CHRNA7: variants seen among roughly 807,000 people sequenced by gnomAD.
CHRNA7 encodes cholinergic receptor nicotinic alpha 7 subunit.
Under a neutral mutation model 48.0 loss-of-function variants are expected in CHRNA7, and 17 were observed. That is an observed-to-expected ratio of 0.35 (90% CI 0.24 to 0.53). The LOEUF is 0.53. Ranked by LOEUF, CHRNA7 falls within the 20% of genes least tolerant of loss-of-function variation. The pLI is 0.92. For missense variants in CHRNA7, 155 were observed against 577.7 expected, an observed-to-expected ratio of 0.27 and a Z score of 7.50; for synonymous variants, 75 against 242.3, an observed-to-expected ratio of 0.31 and a Z score of 6.41.
At chr15:32,070,669 C>CTTTTTTTGTTTTTTTTTTT (rs2050041228) in intron 2 of CHRNA7, among the ~76,000 whole-genome samples, 1 of 40,850 alleles carries the variant, frequency 2.4e-5, no homozygotes, top group African/African-American at 9.3e-5. Context: ...GGTTTAGTTC[C>CTTTTTTTGTTTTTTTTTTT]TTTTTTTTTT....
At position 32,122,096 on chromosome 15, in the gene CHRNA7, G is replaced by A. The variant is rs554133753; in HGVS notation, c.350+10197G>A. 1.7e-4 allele frequency among the ~76,000 whole-genome samples: 26 copies of A among 152,238 alleles called. No homozygotes were observed. In the South Asian group the frequency reaches 3.5e-3, roughly 21 times the overall value. On this transcript the variant is annotated intron_variant, in intron 4 of 9. Transcript: ENST00000306901. ...CCCCACTGTCCAGTGAGCTCCTTGG[G>A]AGCAACCAAGTTCTATTCACATTTT...
In CHRNA7 at chr15:32,149,769, AATAGCAACAGTT is replaced by A. The variant is rs2051582539; in HGVS notation, c.351-4137_351-4126del. 2.0e-5 allele frequency among the ~76,000 whole-genome samples: 3 copies of A among 152,138 alleles called. No individual in the cohort carries two copies. The highest frequency in any genetic ancestry group is 2.9e-5 in the Non-Finnish European group (2 of 68,022). ...ACTGAGTCACAGGTAAGCTGTTGCT[AATAGCAACAGTT>A]TTTTTATCTTGTTTTTACCTGTTTG... On this transcript the variant is annotated intron_variant, in intron 4 of 9. Transcript: ENST00000306901. This position sits in a 1 kb window ranked among gnomAD's most constrained non-coding sequence, Gnocchi z 4.6.
chr15:32,144,359 A>G (rs913854366), intron 4 of CHRNA7, among the ~76,000 whole-genome samples: 4 of 151,822 alleles, frequency 2.6e-5, no homozygotes, highest in Admixed American at 6.6e-5. Flanking sequence ...TTTTCCCTTC[A>G]TTTCAACCTT....
intron 4 of CHRNA7, among the ~76,000 whole-genome samples, chr15:32,114,246 G>T (rs1039971348): frequency 6.6e-6 from 1 of 151,550 alleles, no homozygotes; most frequent in Non-Finnish European, 1.5e-5. Context: ...CTATGTGTAG[G>T]ATCTTTAACT....
chr15:32,107,908 A>G (rs1056646342), intron 3 of CHRNA7, among the ~76,000 whole-genome samples: 3 of 152,174 alleles, frequency 2.0e-5, no homozygotes, highest in African/African-American at 4.8e-5. Context: ...GGCCTCAGGC[A>G]TGGTCAGAAG....
intron 2 of CHRNA7, among the ~76,000 whole-genome samples, chr15:32,075,470 TC>T (rs2050123033): frequency 6.6e-6 from 1 of 152,186 alleles, no homozygotes; most frequent in African/African-American, 2.4e-5. Context: ...GTCTAAATCG[TC>T]CAATTTATGA....
intron 2 of CHRNA7, among the ~76,000 whole-genome samples, chr15:32,044,646 T>TTC: frequency 6.6e-6 from 1 of 152,358 alleles, no homozygotes; most frequent in South Asian, 2.1e-4. Context: ...TGATTACATG[T>TTC]TCACCACAGC....
intron 2 of CHRNA7, among the ~76,000 whole-genome samples, chr15:32,065,405 A>G (rs370146222): frequency 6.6e-6 from 1 of 152,234 alleles, no homozygotes. Context: ...ACTTGACCAA[A>G]TGCAGAGCTT....
chr15:32,107,990 A>G (rs2050698819), intron 3 of CHRNA7, among the ~76,000 whole-genome samples: 1 of 152,218 alleles, frequency 6.6e-6, no homozygotes, highest in Admixed American at 6.5e-5. Context: ...GCTCTGTGCC[A>G]GGAAAACCAA....
chr15:32,057,274 G>A lies in CHRNA7; in HGVS notation c.195+26237G>A, dbSNP rs566346829. On this transcript the variant is annotated intron_variant, in intron 2 of 9. Coordinates refer to ENST00000306901, the MANE Select transcript of CHRNA7 (RefSeq NM_000746.6). Reference sequence around the variant, plus strand: ...TTTAGCAGTTTGTTTATTAGGAATGGCAGTGTGTCCCTCAAATCAGGATCT... The same window carrying A: ...TTTAGCAGTTTGTTTATTAGGAATGACAGTGTGTCCCTCAAATCAGGATCT... Among the ~76,000 whole-genome samples the A allele has an allele frequency of 7.2e-5, 11 of 152,330 alleles. No homozygotes were observed. In the South Asian group the frequency reaches 2.3e-3, roughly 32 times the overall value.
intron 2 of CHRNA7, among the ~76,000 whole-genome samples, chr15:32,068,294 G>C (rs974323513): frequency 6.6e-6 from 1 of 152,170 alleles, no homozygotes; most frequent in African/African-American, 2.4e-5. Context: ...GGGTAACAGA[G>C]TGAGACCCTG....
At chr15:32,143,850 G>T (rs952560116) in intron 4 of CHRNA7, among the ~76,000 whole-genome samples, 1 of 152,134 alleles carries the variant, frequency 6.6e-6, no homozygotes, top group African/African-American at 2.4e-5. Context: ...ACAGCACACT[G>T]ATGGGTCTTG....
At chr15:32,125,518 T>C (rs974756353) in intron 4 of CHRNA7, among the ~76,000 whole-genome samples, 4 of 146,090 alleles carry the variant, frequency 2.7e-5, no homozygotes, top group African/African-American at 1.0e-4. Flanking sequence ...TAGTAGACTC[T>C]AGAGACGCTC....
chr15:32,045,569 C>G (rs1014781146), intron 2 of CHRNA7, among the ~76,000 whole-genome samples: 2 of 151,498 alleles, frequency 1.3e-5, no homozygotes, highest in African/African-American at 4.9e-5. Context: ...CAGAGTCTCA[C>G]TTTGTCACCC....
rs1595363586 is a variant in CHRNA7, at chr15:32,030,526, C to G, written c.-69C>G. The G allele has an allele frequency of 7.4e-7, 1 of 1,347,866 alleles. No homozygotes were observed. The highest frequency in any genetic ancestry group is 9.5e-7 in the Non-Finnish European group (1 of 1,054,852). 83.5% of individuals were successfully genotyped at this position (1,347,866 alleles called of 1,614,324 possible). A position where few individuals can be genotyped will look rare whatever the true frequency, so the allele number is the denominator to read the frequency against. ...CCGAGCGGCGAGGTGCCTCTGTGGC[C>G]GCAGGCGCAGGCCCGGGCGACAGCC... On this transcript the variant is annotated 5_prime_UTR_variant, in exon 1 of 10. Coordinates refer to ENST00000306901, the MANE Select transcript of CHRNA7 (RefSeq NM_000746.6).
intron 5 of CHRNA7, chr15:32,156,132 T>C (rs918436557): frequency 7.8e-6 from 1 of 128,446 alleles, no homozygotes; most frequent in Admixed American, 7.7e-5. Context: ...TTGCAGTTAA[T>C]TCCCATTCCT....
chr15:32,114,008 T>C (rs1186113588), intron 4 of CHRNA7, among the ~76,000 whole-genome samples: 2 of 132,844 alleles, frequency 1.5e-5, no homozygotes, highest in East Asian at 4.2e-4. Context: ...CAGAGTGAGA[T>C]GCTATCTCCA....
intron 4 of CHRNA7, among the ~76,000 whole-genome samples, chr15:32,152,171 G>A (rs554417313): frequency 3.3e-5 from 5 of 152,090 alleles, no homozygotes; most frequent in Non-Finnish European, 5.9e-5. Context: ...CAGGCTAGGC[G>A]CGGTGGCTCA....
At chr15:32,146,375 T>G (rs2051489441) in intron 4 of CHRNA7, among the ~76,000 whole-genome samples, 1 of 152,216 alleles carries the variant, frequency 6.6e-6, no homozygotes, top group African/African-American at 2.4e-5. Flanking sequence ...AGAATATCAG[T>G]GTCATCACTT....
Sources: allele counts gnomAD v4.1 joint callset (sites outside exome capture counted in the v4.1 genomes callset), GRCh38; gene constraint gnomAD v4.1.1; non-coding constraint Gnocchi (gnomAD v3.1); transcripts MANE v1.5; gene names NCBI Gene and HGNC (gene_info 2026-07-23, HGNC 2026-07-21).